The following CACNG7 variants were observed in gnomAD, a reference collection of about 807,000 sequenced individuals.
The protein encoded by CACNG7 is voltage-dependent calcium channel gamma-7 subunit.
A neutral mutation model predicts 26.3 loss-of-function variants in CACNG7; 9 were observed. The observed-to-expected ratio is 0.34, with a 90% CI of 0.21 to 0.60. The LOEUF (loss-of-function observed/expected upper bound fraction) is 0.60, where lower values mean the gene tolerates loss of function less well. Ranked by LOEUF, CACNG7 falls within the 20% of genes least tolerant of loss-of-function variation. The pLI, the probability that CACNG7 is intolerant of heterozygous loss-of-function variation, is 0.81. For missense variants in CACNG7, 297 were observed against 380.4 expected (o/e 0.78, Z 1.82); for synonymous variants, 170 against 157.0 (o/e 1.08, Z -0.62).
At chr19:53,933,049 G>T (rs546338229) in intron 4 of CACNG7, among the ~76,000 whole-genome samples, 4 of 151,164 alleles carry the variant, frequency 2.6e-5, no homozygotes, top group Non-Finnish European at 5.9e-5. Context: ...CAGGTGATCC[G>T]CCCGCATTGG....
chr19:53,910,678 C>T (rs1490034918), intron 1 of CACNG7, among the ~76,000 whole-genome samples: 1 of 151,762 alleles, frequency 6.6e-6, no homozygotes, highest in Non-Finnish European at 1.5e-5. Flanking sequence ...TTGCAGGGGT[C>T]GGGGGAGAAT....
intron 4 of CACNG7, among the ~76,000 whole-genome samples, chr19:53,929,543 A>G (rs1224906627): frequency 6.6e-6 from 1 of 151,610 alleles, no homozygotes; most frequent in Non-Finnish European, 1.5e-5. Flanking sequence ...CGCAACCTCC[A>G]CCTCCCAGGT....
chr19:53,931,642 C>T (rs570585216), intron 4 of CACNG7, among the ~76,000 whole-genome samples: 90 of 126,108 alleles, frequency 7.1e-4, no homozygotes, highest in African/African-American at 2.6e-3. Flanking sequence ...GAGCTGAGAT[C>T]ACACCACTGC....
chr19:53,914,698 A>T, intron 3 of CACNG7, 112 bp downstream of exon 3: 1 of 955,998 alleles, frequency 1.0e-6, no homozygotes, highest in Non-Finnish European at 1.6e-6. Context: ...GAAGGAGGGG[A>T]GGCTTGAAAG....
intron 4 of CACNG7, among the ~76,000 whole-genome samples, chr19:53,932,966 C>T (rs115121973): frequency 0.013 from 2,014 of 151,982 alleles, 51 homozygotes; most frequent in African/African-American, 0.046. Flanking sequence ...TGCCATCACG[C>T]CCGGCTAATT....
intron 4 of CACNG7, among the ~76,000 whole-genome samples, chr19:53,929,111 CA>C (rs1157941961): frequency 1.1e-4 from 4 of 36,456 alleles, no homozygotes; most frequent in African/African-American, 1.3e-4. Context: ...GACTCCACCT[CA>C]AAAAAAAAAC....
intron 4 of CACNG7, among the ~76,000 whole-genome samples, chr19:53,916,507 T>TG (rs2068899170): frequency 2.8e-5 from 4 of 145,400 alleles, no homozygotes; most frequent in Non-Finnish European, 6.0e-5. Context: ...TTTTTTTTTT[T>TG]GACTGAGTTT....
At chr19:53,924,151 G>A (rs1222406413) in intron 4 of CACNG7, among the ~76,000 whole-genome samples, 2 of 147,700 alleles carry the variant, frequency 1.4e-5, no homozygotes, top group Admixed American at 6.7e-5. Context: ...ACTTGCCCCA[G>A]GTCTGGTCAT....
At chr19:53,924,163 G>C (rs937108752) in intron 4 of CACNG7, among the ~76,000 whole-genome samples, 1 of 147,654 alleles carries the variant, frequency 6.8e-6, no homozygotes, top group Non-Finnish European at 1.5e-5. Context: ...TCTGGTCATT[G>C]GTGGAGTTGG....
rs1208606389 is a variant in CACNG7, at chr19:53,912,671, C to T, written c.-29-132C>T. On this transcript the variant is annotated intron_variant, in intron 1 of 5. Coordinates refer to ENST00000391767, the MANE Select transcript of CACNG7 (RefSeq NM_031896.5). This position sits in a 1 kb window ranked among gnomAD's most constrained non-coding sequence, Gnocchi z 4.6. ...AGGGTTGGGGTCATGGGTCAGGCCA[C>T]GGAGGTCAGATCTGAGATTTCGATT... The T allele has an allele frequency of 2.4e-5, 16 of 679,760 alleles. No homozygotes were observed. Among genetic ancestry groups the T allele is most frequent in the East Asian group, 1.1e-4 (4 of 36,958 alleles). 42.1% of individuals were successfully genotyped at this position (679,760 alleles called of 1,614,324 possible). A position where few individuals can be genotyped will look rare whatever the true frequency, so the allele number is the denominator to read the frequency against.
In CACNG7 at chr19:53,942,212, C is replaced by G; in HGVS notation, c.747C>G (p.Asp249Glu). ...RGRSPSDISS[D>E]VSIQMTQNYP... Reference sequence around the variant, plus strand: ...GGAGCCCCTCCGACATCTCCAGCGACGTGTCCATCCAAATGACGCAGAACT... The same window carrying G: ...GGAGCCCCTCCGACATCTCCAGCGAGGTGTCCATCCAAATGACGCAGAACT... Residue 249 changes from aspartate to glutamate, a missense_variant, in exon 6 of 6, where the codon GAC (aspartate) becomes GAG (glutamate). Transcript: ENST00000391767. The surrounding 1 kb of genome is among the most constrained non-coding windows in gnomAD (Gnocchi z 5.9). 6.2e-7 allele frequency: 1 copy of G among 1,614,046 alleles called. No individual in the cohort carries two copies.
intron 5 of CACNG7, 73 bp from the exon 6 acceptor site, chr19:53,941,963 T>G (rs2069140026): frequency 4.1e-6 from 6 of 1,474,858 alleles, no homozygotes; most frequent in African/African-American, 1.4e-5. Flanking sequence ...AGTCCTGGAG[T>G]GAGAGGAGAT....
chr19:53,936,203 A>G (rs938443947), intron 4 of CACNG7, among the ~76,000 whole-genome samples: 1 of 151,916 alleles, frequency 6.6e-6, no homozygotes, highest in Admixed American at 6.6e-5. Context: ...GATTCAGGTT[A>G]CGCATTCTCA....
At chr19:53,925,482 A>T in intron 4 of CACNG7, among the ~76,000 whole-genome samples, 1 of 127,152 alleles carries the variant, frequency 7.9e-6, no homozygotes, top group Non-Finnish European at 1.6e-5. Context: ...GAGTTGCCCC[A>T]GGCTGGTCAT....
intron 4 of CACNG7, among the ~76,000 whole-genome samples, chr19:53,937,389 T>C (rs1326900314): frequency 1.3e-5 from 2 of 152,172 alleles, no homozygotes; most frequent in Admixed American, 6.6e-5. Context: ...CCACCAGCAA[T>C]GTAGAAGAAC....
At chr19:53,920,900 T>A (rs1443317842) in intron 4 of CACNG7, among the ~76,000 whole-genome samples, 1 of 118,206 alleles carries the variant, frequency 8.5e-6, no homozygotes, top group African/African-American at 3.7e-5. Context: ...GGTCTGGTCA[T>A]TGGTGGAGTT....
chr19:53,924,846 G>A (rs1358958993), intron 4 of CACNG7, among the ~76,000 whole-genome samples: 1 of 141,214 alleles, frequency 7.1e-6, no homozygotes. Flanking sequence ...GTTGCCCCAG[G>A]TCTGGTCATT....
chr19:53,910,748 TC>T (rs1330782429), intron 1 of CACNG7, among the ~76,000 whole-genome samples: 1 of 152,094 alleles, frequency 6.6e-6, no homozygotes, highest in Non-Finnish European at 1.5e-5. Context: ...CGCTGGAATT[TC>T]TAGGTTCCTA....
At position 53,921,931 on chromosome 19, in the gene CACNG7, C is replaced by T. The variant is rs1331463248; in HGVS notation, c.424+6426C>T. Among the ~76,000 whole-genome samples, 6 of 103,414 alleles carry T rather than the reference C, an allele frequency of 5.8e-5. 1 individual carries two copies. The South Asian group carries it at 1.6e-3, about 28-fold the overall frequency. The allele number at this position is 103,414 out of a possible 152,430, so 67.8% of individuals were successfully genotyped here. A position where few individuals can be genotyped will look rare whatever the true frequency, so the allele number is the denominator to read the frequency against. On this transcript the variant is annotated intron_variant, in intron 4 of 5. Transcript: ENST00000391767. ...CAGGTCTGGTATTGGTGGAGTTGTC[C>T]CCAGGTCTGGTCATTGGTGGAGTTG...
Sources: gnomAD v4.1 joint callset for allele counts (sites outside exome capture counted in the v4.1 genomes callset) on GRCh38, gnomAD v4.1.1 for gene constraint, Gnocchi (gnomAD v3.1) non-coding constraint, MANE v1.5 for transcripts, NCBI Gene and HGNC (gene_info 2026-07-23, HGNC 2026-07-21) for gene names.